MATK: variants seen among roughly 807,000 people sequenced by gnomAD.
The protein encoded by MATK is megakaryocyte-associated tyrosine-protein kinase.
Under a neutral mutation model 59.8 loss-of-function variants are expected in MATK, and 41 were observed. That is an observed-to-expected ratio of 0.69 (90% CI 0.53 to 0.89). MATK has a LOEUF of 0.89. MATK is among the 40% of genes least tolerant of loss of function. The probability of loss-of-function intolerance (pLI) is 0.00; values close to 1 mark genes in which losing one functional copy is unlikely to be tolerated. For missense variants in MATK, 593 were observed against 719.6 expected (o/e 0.82, Z 2.01); for synonymous variants, 308 against 306.1 (o/e 1.01, Z -0.06).
At chr19:3,790,365 C>T (rs537442005), upstream of MATK, among the ~76,000 whole-genome samples, 3 of 152,336 alleles carry the variant, frequency 2.0e-5, no homozygotes, top group South Asian at 4.1e-4. Context: ...CAGAAGTTCT[C>T]TGATCTGCAG....
intron 2 of MATK, 73 bp from the exon 3 acceptor site, chr19:3,784,957 G>A (rs1599200815): frequency 7.0e-7 from 1 of 1,423,650 alleles, no homozygotes; most frequent in Non-Finnish European, 9.8e-7. Flanking sequence ...TTCCAGCCCA[G>A]GTCAGGTGGG....
chr19:3,789,998 T>C (rs1179948220), upstream of MATK, among the ~76,000 whole-genome samples: 1 of 151,960 alleles, frequency 6.6e-6, no homozygotes, highest in Non-Finnish European at 1.5e-5. Context: ...ATCTCCCGGG[T>C]TCAAGTGATT....
Position 3,786,139 on chromosome 19 carries a change from C to T in MATK, c.-152+30G>A. On this transcript the variant is annotated intron_variant, in intron 1 of 13. Coordinates refer to ENST00000310132, the MANE Select transcript of MATK (RefSeq NM_139355.3). This position sits in a 1 kb window ranked among gnomAD's most constrained non-coding sequence, Gnocchi z 4.1. ...TTTCCCCCCACCCCGGCCTCGGGGT[C>T]TCTCCACGTCTCCCCGCCGACGTGC... 3 of 946,168 alleles carry T rather than the reference C, an allele frequency of 3.2e-6. No homozygotes were observed. Among genetic ancestry groups the T allele is most frequent in the Non-Finnish European group, 3.8e-6 (3 of 794,356 alleles). The allele number at this position is 946,168 out of a possible 1,614,324, so 58.6% of individuals were successfully genotyped here. A position where few individuals can be genotyped will look rare whatever the true frequency, so the allele number is the denominator to read the frequency against.
chr19:3,798,150 A>C (rs2037611991), intron 1 of MATK, among the ~76,000 whole-genome samples: 1 of 152,236 alleles, frequency 6.6e-6, no homozygotes, highest in Non-Finnish European at 1.5e-5. Context: ...CGAGGATAAG[A>C]TGCATACAGG....
intron 1 of MATK, among the ~76,000 whole-genome samples, chr19:3,799,439 T>A (rs1397657555): frequency 6.6e-6 from 1 of 152,186 alleles, no homozygotes; most frequent in Non-Finnish European, 1.5e-5. Flanking sequence ...GTCTATGGAA[T>A]AAATGTCAAC....
chr19:3,789,088 G>C (rs865854064), upstream of MATK, among the ~76,000 whole-genome samples: 11 of 152,232 alleles, frequency 7.2e-5, no homozygotes, highest in South Asian at 4.2e-4. Flanking sequence ...ACAGCTTCGT[G>C]GATCTGGCTG....
intron 1 of MATK, among the ~76,000 whole-genome samples, chr19:3,796,735 C>T (rs1482066927): frequency 6.6e-6 from 1 of 152,078 alleles, no homozygotes; most frequent in Non-Finnish European, 1.5e-5. Context: ...GGGTGTGGGT[C>T]TCCCTGTTTC....
intron 1 of MATK, among the ~76,000 whole-genome samples, chr19:3,799,667 C>T (rs112120551): frequency 0.057 from 8,686 of 151,160 alleles, 833 homozygotes; most frequent in African/African-American, 0.2. Context: ...CAGTGAAACC[C>T]CATCTCTGCT....
At chr19:3,786,424 G>C (rs2037485945), upstream of MATK, 66 of 975,350 alleles carry the variant, frequency 6.8e-5, no homozygotes, top group Non-Finnish European at 7.9e-5. The surrounding 1 kb of genome is among the most constrained non-coding windows in gnomAD (Gnocchi z 4.1). Context: ...GCCCCTCCCC[G>C]CCCCGCCTCC....
intron 1 of MATK, chr19:3,801,508 C>T (rs1017697891): frequency 1.3e-5 from 2 of 152,390 alleles, no homozygotes; most frequent in African/African-American, 4.8e-5. Context: ...GCCCACACGC[C>T]CGGTACATCC....
At chr19:3,794,737 C>A (rs1474952084) in intron 1 of MATK, among the ~76,000 whole-genome samples, 2 of 152,106 alleles carry the variant, frequency 1.3e-5, no homozygotes, top group Admixed American at 6.6e-5. Context: ...TACTCAAGAG[C>A]AGCCCCTAAG....
Position 3,778,004 on chromosome 19 carries a change from T to G in MATK, c.*179A>C. The G allele has an allele frequency of 3.9e-6, 3 of 771,544 alleles. No homozygotes were observed. Among genetic ancestry groups the G allele is most frequent in the Non-Finnish European group, 5.8e-6 (3 of 517,594 alleles). The allele number at this position is 771,544 out of a possible 1,614,324, so 47.8% of individuals were successfully genotyped here. On this transcript the variant is annotated 3_prime_UTR_variant, in exon 14 of 14. Coordinates refer to ENST00000310132, the MANE Select transcript of MATK (RefSeq NM_139355.3). ...AGAATCCGTCTTTATCGGGCGATCA[T>G]CCTTCGCAGGTCTGGGGTGTCCACG...
chr19:3,785,259 C>T lies in MATK; in HGVS notation c.-124G>A. On this transcript the variant is annotated 5_prime_UTR_variant, in exon 2 of 14. In the 5' UTR this introduces an upstream ATG that the reference lacks. Coordinates refer to ENST00000310132, the MANE Select transcript of MATK (RefSeq NM_139355.3). ...ACAGGAGGTAGGGAGCTGGGTGCCA[C>T]TGGACCGAGCCTGGTTCTTCCTGTT... 2 of 1,547,494 alleles carry T rather than the reference C, an allele frequency of 1.3e-6. No individual in the cohort carries two copies. Among genetic ancestry groups the T allele is most frequent in the Non-Finnish European group, 1.7e-6 (2 of 1,150,566 alleles).
intron 1 of MATK, among the ~76,000 whole-genome samples, chr19:3,796,464 T>C (rs1297559329): frequency 1.3e-5 from 2 of 152,184 alleles, no homozygotes; most frequent in Admixed American, 1.3e-4. Flanking sequence ...AAATGAAAAT[T>C]CAGTGCTTAT....
At chr19:3,786,556 C>G, upstream of MATK, 2 of 276,268 alleles carry the variant, frequency 7.2e-6, no homozygotes, top group Non-Finnish European at 1.0e-5. This position sits in a 1 kb window ranked among gnomAD's most constrained non-coding sequence, Gnocchi z 4.1. Flanking sequence ...AAGCGGGGTT[C>G]TTGGAGCGTG....
intron 1 of MATK, among the ~76,000 whole-genome samples, chr19:3,792,115 A>G (rs1016172919): frequency 4.8e-4 from 73 of 152,106 alleles, no homozygotes; most frequent in African/African-American, 1.6e-3. Context: ...TTAAAAAAAA[A>G]AAAAAAAGTG....
chr19:3,794,595 C>T (rs1947145964), intron 1 of MATK, among the ~76,000 whole-genome samples: 1 of 152,124 alleles, frequency 6.6e-6, no homozygotes, highest in Non-Finnish European at 1.5e-5. Context: ...GTTGAGGCTG[C>T]AGTCAGCTAT....
intron 1 of MATK, among the ~76,000 whole-genome samples, chr19:3,799,575 C>CA (rs2037624829): frequency 1.3e-5 from 2 of 152,200 alleles, no homozygotes; most frequent in Non-Finnish European, 2.9e-5. Context: ...TGTGGTGGCT[C>CA]ACGCCTGTAA....
Position 3,779,360 on chromosome 19 carries a change from C to G in MATK, c.1001+18G>C, listed in dbSNP as rs1306741926. The G allele has an allele frequency of 9.9e-6, 16 of 1,612,508 alleles. No individual in the cohort carries two copies. The highest frequency in any genetic ancestry group is 1.3e-5 in the African/African-American group (1 of 74,924). On this transcript the variant is annotated intron_variant, in intron 11 of 13. Transcript: ENST00000310132. The stretch of plus-strand genomic sequence containing the variant: ...CCCGACGACCCCAGTGCCGCAGCAC[C>G]CTGAGAGTCCCACTTACAGAGAAAA...
Sources: gnomAD v4.1 joint callset for allele counts (sites outside exome capture counted in the v4.1 genomes callset) on GRCh38, gnomAD v4.1.1 for gene constraint, Gnocchi (gnomAD v3.1) non-coding constraint, MANE v1.5 for transcripts, NCBI Gene and HGNC (gene_info 2026-07-23, HGNC 2026-07-21) for gene names.